The following KDM2B variants were observed in gnomAD, a reference collection of about 807,000 sequenced individuals.
The protein encoded by KDM2B is lysine demethylase 2B.
KDM2B carries 26 observed loss-of-function variants against 150.0 expected under a neutral mutation model. The observed-to-expected ratio is 0.17, with a 90% CI of 0.13 to 0.24. The LOEUF is 0.24. Ranked by LOEUF, KDM2B falls within the 10% of genes least tolerant of loss-of-function variation. KDM2B has a pLI of 1.00. For synonymous variants in KDM2B, 734 were observed against 729.5 expected (o/e 1.01, Z -0.10); for missense variants, 1,265 against 1,816.9 (o/e 0.70, Z 5.52).
At chr12:121,474,252 A>G (rs782787010) in intron 12 of KDM2B, among the ~76,000 whole-genome samples, 18 of 152,074 alleles carry the variant, frequency 1.2e-4, no homozygotes, top group Non-Finnish European at 2.5e-4. Context: ...GGTGGCTCAC[A>G]CCTGTAATCC....
At chr12:121,579,960 AGATCT>A in intron 1 of KDM2B, 1 of 1,453,270 alleles carries the variant, frequency 6.9e-7, no homozygotes, top group Non-Finnish European at 9.1e-7. Context: ...AAAAAAAAAA[AGATCT>A]ATCATATGCC....
intron 1 of KDM2B, chr12:121,580,260 G>A: frequency 8.0e-7 from 1 of 1,244,592 alleles, no homozygotes; most frequent in Non-Finnish European, 1.0e-6. Context: ...TGTGGGGGGG[G>A]GGAGGCGTCG....
the KDM2B span, among the ~76,000 whole-genome samples, chr12:121,415,840 C>CTTTTT: frequency 2.9e-4 from 31 of 108,056 alleles, no homozygotes; most frequent in Non-Finnish European, 3.6e-4. Context: ...TTTGTCCAGT[C>CTTTTT]TTTTTTTTTT....
chr12:121,433,204 G>A (rs1555285944), intron 22 of KDM2B: 3 of 456,504 alleles, frequency 6.6e-6, no homozygotes, highest in Non-Finnish European at 1.3e-5. Flanking sequence ...TTCCAACAAA[G>A]AAGCTAGAAG....
intron 12 of KDM2B, among the ~76,000 whole-genome samples, chr12:121,461,636 A>G (rs1214556697): frequency 2.6e-5 from 4 of 152,122 alleles, no homozygotes; most frequent in Non-Finnish European, 4.4e-5. Flanking sequence ...CAGAAGAACA[A>G]GGGGGCTCGG....
At chr12:121,551,630 G>A (rs1889505419) in intron 4 of KDM2B, among the ~76,000 whole-genome samples, 1 of 152,160 alleles carries the variant, frequency 6.6e-6, no homozygotes, top group South Asian at 2.1e-4. Context: ...TCAGCTTACT[G>A]CAACCTCCAC....
chr12:121,420,511 A>G, the KDM2B span: 1 of 1,582,612 alleles, frequency 6.3e-7, no homozygotes, highest in Non-Finnish European at 8.7e-7. Context: ...AGGGCCAGTG[A>G]TGAGTTTAGA....
chr12:121,467,302 G>A lies in KDM2B; in HGVS notation c.1735-13958C>T. The A allele has an allele frequency of 2.0e-6, 2 of 981,812 alleles. No individual in the cohort carries two copies. The highest frequency in any genetic ancestry group is 3.5e-5 in the African/African-American group (2 of 56,480). 60.8% of individuals were successfully genotyped at this position (981,812 alleles called of 1,614,324 possible). ...CCCGGAGCAGGCTCGGCTCGCCCTGGCTCGGGCTCGGGCTCGGGCTCGGGC... is the reference window on the plus strand; with the variant it reads ...CCCGGAGCAGGCTCGGCTCGCCCTGACTCGGGCTCGGGCTCGGGCTCGGGC... On this transcript the variant is annotated intron_variant, in intron 12 of 22. Coordinates refer to ENST00000377071, the MANE Select transcript of KDM2B (RefSeq NM_032590.5). This position sits in a 1 kb window ranked among gnomAD's most constrained non-coding sequence, Gnocchi z 5.1.
intron 11 of KDM2B, among the ~76,000 whole-genome samples, chr12:121,508,875 G>A (rs905859464): frequency 1.3e-5 from 2 of 152,154 alleles, no homozygotes; most frequent in Non-Finnish European, 2.9e-5. Flanking sequence ...AAACTGATTC[G>A]TGCTCCAACA....
chr12:121,527,041 A>T, intron 8 of KDM2B, among the ~76,000 whole-genome samples: 1 of 152,026 alleles, frequency 6.6e-6, no homozygotes, highest in East Asian at 2.0e-4. Flanking sequence ...TGAAAAATTA[A>T]ATAAATTTCT....
chr12:121,467,454 G>A lies in KDM2B; in HGVS notation c.1735-14110C>T, dbSNP rs1880209807. The A allele has an allele frequency of 2.9e-6, 2 of 678,524 alleles. No individual in the cohort carries two copies. Among genetic ancestry groups the A allele is most frequent in the Non-Finnish European group, 3.6e-6 (2 of 552,166 alleles). 42.0% of individuals were successfully genotyped at this position (678,524 alleles called of 1,614,324 possible). A position where few individuals can be genotyped will look rare whatever the true frequency, so the allele number is the denominator to read the frequency against. ...GCATGAGGCGAGCCAGGAAGGGGCT[G>A]GCCCCCCGGGCGGGCGGGCCAATGG... On this transcript the variant is annotated intron_variant, in intron 12 of 22. Transcript: ENST00000377071. This position sits in a 1 kb window ranked among gnomAD's most constrained non-coding sequence, Gnocchi z 5.1.
At chr12:121,525,139 GA>G (rs1286992843) in intron 8 of KDM2B, among the ~76,000 whole-genome samples, 1 of 152,180 alleles carries the variant, frequency 6.6e-6, no homozygotes, top group East Asian at 1.9e-4. Flanking sequence ...GATCAGGAAC[GA>G]ACCTGTGGCT....
At chr12:121,492,799 A>T (rs1883496530) in intron 12 of KDM2B, among the ~76,000 whole-genome samples, 1 of 151,184 alleles carries the variant, frequency 6.6e-6, no homozygotes, top group Non-Finnish European at 1.5e-5. Flanking sequence ...ACTGCACTCC[A>T]GCCTGGGTGA....
intron 12 of KDM2B, among the ~76,000 whole-genome samples, chr12:121,462,091 C>T (rs1410847911): frequency 6.6e-6 from 1 of 152,260 alleles, no homozygotes; most frequent in Non-Finnish European, 1.5e-5. Context: ...AATAACATTA[C>T]ACGGACAGCC....
At position 121,549,325 on chromosome 12, in the gene KDM2B, C is replaced by T; in HGVS notation, c.576+135G>A. ...TACAAACCACGTTACCAACCTTAGT[C>T]ACCCCTATGCCTGCCAAGCCCAGCC... On this transcript the variant is annotated intron_variant, in intron 5 of 22. Transcript: ENST00000377071. The surrounding 1 kb of genome is among the most constrained non-coding windows in gnomAD (Gnocchi z 4.4). 1 of 741,142 alleles carries T rather than the reference C, an allele frequency of 1.3e-6. No homozygotes were observed. The highest frequency in any genetic ancestry group is 2.1e-5 in the South Asian group (1 of 48,586). 45.9% of individuals were successfully genotyped at this position (741,142 alleles called of 1,614,324 possible).
intron 12 of KDM2B, among the ~76,000 whole-genome samples, chr12:121,466,979 C>CCGG (rs1880081573): frequency 6.7e-6 from 1 of 148,384 alleles, no homozygotes; most frequent in Non-Finnish European, 1.5e-5. Context: ...CGGCTGCGGG[C>CCGG]CTGCCGCGCT....
chr12:121,561,851 C>T lies in KDM2B; in HGVS notation c.398-12213G>A, dbSNP rs1029846883. ...AAGAACTCTAAGACTCCTTCCCGAGCTTAAAATGGAAAAAGTCTATGATTT... is the reference window on the plus strand; with the variant it reads ...AAGAACTCTAAGACTCCTTCCCGAGTTTAAAATGGAAAAAGTCTATGATTT... On this transcript the variant is annotated intron_variant, in intron 4 of 22. Transcript: ENST00000377071. Among the ~76,000 whole-genome samples, 7 of 152,182 alleles carry T rather than the reference C, an allele frequency of 4.6e-5. No individual in the cohort carries two copies. In the South Asian group the frequency reaches 1.4e-3, roughly 31 times the overall value.
chr12:121,433,242 C>T (rs949162806), intron 22 of KDM2B: 6 of 455,886 alleles, frequency 1.3e-5, no homozygotes, highest in African/African-American at 6.0e-5. Flanking sequence ...TCCCTCTGTG[C>T]GTTAGAGTTC....
At chr12:121,501,638 T>G (rs1406534850) in intron 11 of KDM2B, among the ~76,000 whole-genome samples, 25 of 152,162 alleles carry the variant, frequency 1.6e-4, no homozygotes, top group Non-Finnish European at 4.4e-5. Context: ...GTTTGTTTTT[T>G]GAGACAGAGT....
Sources: gnomAD v4.1 joint callset for allele counts (sites outside exome capture counted in the v4.1 genomes callset) on GRCh38, gnomAD v4.1.1 for gene constraint, Gnocchi (gnomAD v3.1) non-coding constraint, MANE v1.5 for transcripts, NCBI Gene and HGNC (gene_info 2026-07-23, HGNC 2026-07-21) for gene names.